EP300: variants seen among roughly 807,000 people sequenced by gnomAD.
The protein encoded by EP300 is EP300 lysine acetyltransferase.
EP300 carries 31 observed loss-of-function variants against 264.0 expected under a neutral mutation model. The observed-to-expected ratio is 0.12, with a 90% confidence interval of 0.09 to 0.16. The LOEUF is 0.16. Among genes scored for constraint, EP300 ranks in the 10% least tolerant of loss-of-function variants. The pLI, the probability that EP300 is intolerant of heterozygous loss-of-function variation, is 1.00. For missense variants in EP300, 2,766 were observed against 3,052.9 expected, an observed-to-expected ratio of 0.91 and a Z score of 2.21; for synonymous variants, 1,340 against 1,045.4, an observed-to-expected ratio of 1.28 and a Z score of -5.44.
intron 19 of EP300, 80 bp from the exon 20 acceptor site, chr22:41,160,562 G>T: frequency 7.3e-7 from 1 of 1,372,866 alleles, no homozygotes; most frequent in Non-Finnish European, 1.0e-6. Context: ...GGCCTGCTGT[G>T]ATTGGTGGCT....
At position 41,129,839 on chromosome 22, in the gene EP300, A is replaced by T. The variant is rs370455694; in HGVS notation, c.1169-51A>T. 1.2e-5 allele frequency: 16 copies of T among 1,388,746 alleles called. No individual in the cohort carries two copies. In the African/African-American group the frequency reaches 1.9e-4, roughly 16 times the overall value. 86.0% of individuals were successfully genotyped at this position (1,388,746 alleles called of 1,614,324 possible). On this transcript the variant is annotated intron_variant, in intron 4 of 30. Coordinates refer to ENST00000263253, the MANE Select transcript of EP300 (RefSeq NM_001429.4). Reference sequence around the variant, plus strand: ...AGTGGTCAACAAGTTAGCTATTATTAATGTAAAAACATTAACCTGCTCTTG... The same window carrying T: ...AGTGGTCAACAAGTTAGCTATTATTTATGTAAAAACATTAACCTGCTCTTG...
intron 1 of EP300, among the ~76,000 whole-genome samples, chr22:41,102,365 C>T (rs545478212): frequency 6.6e-6 from 1 of 152,194 alleles, no homozygotes; most frequent in East Asian, 1.9e-4. Flanking sequence ...GGAATTGTGT[C>T]TGATTTTGGG....
intron 3 of EP300, 37 bp from the exon 4 acceptor site, chr22:41,127,450 T>G (rs752818935): frequency 5.0e-6 from 8 of 1,612,530 alleles, no homozygotes; most frequent in South Asian, 2.2e-5. Flanking sequence ...TAGCACATTA[T>G]GACTCCTACC....
intron 1 of EP300, among the ~76,000 whole-genome samples, chr22:41,099,485 T>G (rs2058719601): frequency 1.3e-5 from 2 of 152,308 alleles, no homozygotes; most frequent in South Asian, 4.1e-4. Flanking sequence ...ACACACAAAT[T>G]TAATGCCTTT....
intron 6 of EP300, 132 bp from the exon 7 acceptor site, chr22:41,135,681 T>C (rs1408410055): frequency 8.5e-6 from 6 of 701,810 alleles, no homozygotes; most frequent in East Asian, 2.7e-5. Context: ...TTGCCAGTTA[T>C]ATTGTCAATT....
At chr22:41,112,847 G>C (rs983012396) in intron 1 of EP300, among the ~76,000 whole-genome samples, 2 of 151,938 alleles carry the variant, frequency 1.3e-5, no homozygotes, top group Non-Finnish European at 2.9e-5. Context: ...TTCTCTAGTA[G>C]CAGTAGGATT....
At chr22:41,109,665 A>G (rs913008927) in intron 1 of EP300, among the ~76,000 whole-genome samples, 1 of 152,158 alleles carries the variant, frequency 6.6e-6, no homozygotes, top group Admixed American at 6.5e-5. Flanking sequence ...AACATGAAGT[A>G]GGCACTTTGC....
At position 41,137,752 on chromosome 22, in the gene EP300, T is replaced by G; in HGVS notation, c.1722T>G (p.Asp574Glu). The G allele has an allele frequency of 6.2e-7, 1 of 1,614,230 alleles. No individual in the cohort carries two copies. Among genetic ancestry groups the G allele is most frequent in the Non-Finnish European group, 8.5e-7 (1 of 1,180,044 alleles). ...GAATTCGGAAACAGTGGCACGAAGA[T>G]ATTACTCAGGATCTTCGAAATCATC... ...TTGIRKQWHE[D>E]ITQDLRNHLV... Residue 574 changes from aspartate to glutamate, a missense_variant, in exon 8 of 31, where the codon GAT becomes GAG. Physicochemically the swap from Asp to Glu is conservative, Grantham distance 45 (BLOSUM62 2). Transcript: ENST00000263253.
intron 11 of EP300, 30 bp downstream of exon 11, chr22:41,146,846 A>T (rs371009789): frequency 1.3e-6 from 2 of 1,583,036 alleles, no homozygotes; most frequent in Admixed American, 3.4e-5. Context: ...TTTTTATTTT[A>T]AAAGAATCCC....
In EP300 at chr22:41,177,315, G is replaced by A. The variant is rs200795114; in HGVS notation, c.5604G>A (p.Thr1868=). 1.5e-4 allele frequency: 247 copies of A among 1,613,636 alleles called. No homozygotes were observed. The highest frequency in any genetic ancestry group is 1.4e-4 in the Non-Finnish European group (163 of 1,179,972). Residue 1868 remains threonine, a synonymous_variant, in exon 31 of 31, where the codon ACG becomes ACA. Coordinates refer to ENST00000263253, the MANE Select transcript of EP300 (RefSeq NM_001429.4). ...GCCAACAGCCAACCACCCCGCAGAC[G>A]CCCCAGCCCACTTCTCAGCCTCAGC... The part of the protein sequence containing the change: ...PTGQQPTTPQ[T]PQPTSQPQPT...
chr22:41,107,507 A>G (rs1431179445), intron 1 of EP300, among the ~76,000 whole-genome samples: 1 of 152,046 alleles, frequency 6.6e-6, no homozygotes, highest in Non-Finnish European at 1.5e-5. Flanking sequence ...TTTAAATTAC[A>G]TTTTGTGTCA....
At chr22:41,120,781 C>T (rs2058848006) in intron 2 of EP300, among the ~76,000 whole-genome samples, 1 of 152,152 alleles carries the variant, frequency 6.6e-6, no homozygotes, top group Non-Finnish European at 1.5e-5. Context: ...ACAGTGGCAC[C>T]ATCACAGCTC....
At chr22:41,130,119 A>G (rs1489065421) in intron 5 of EP300, 116 bp downstream of exon 5, 1 of 794,300 alleles carries the variant, frequency 1.3e-6, no homozygotes. Context: ...TGTTGAATAA[A>G]TGTTTTTTTC....
chr22:41,117,166 G>C, intron 1 of EP300, 21 bp from the exon 2 acceptor site: 9 of 1,610,932 alleles, frequency 5.6e-6, no homozygotes, highest in Non-Finnish European at 7.6e-6. Context: ...TTTGACCTTT[G>C]TCTTTTCCCT....
intron 22 of EP300, among the ~76,000 whole-genome samples, chr22:41,164,792 G>T (rs1468532942): frequency 6.6e-6 from 1 of 152,178 alleles, no homozygotes; most frequent in African/African-American, 2.4e-5. Flanking sequence ...TCTGGCCCTG[G>T]TAAGGGTCAC....
chr22:41,149,742 A>C lies in EP300; in HGVS notation c.2380-19A>C, dbSNP rs750219186. On this transcript the variant is annotated intron_variant, in intron 13 of 30. Coordinates refer to ENST00000263253, the MANE Select transcript of EP300 (RefSeq NM_001429.4). ...TTCTGTTCTGAATTGCTGTCTTGTT[A>C]TGTTTTTTATTTTAACAGGCACAAA... is the stretch of plus-strand genomic sequence containing the variant. The C allele has an allele frequency of 4.3e-6, 7 of 1,612,912 alleles. No homozygotes were observed. The East Asian group carries it at 1.3e-4, about 31-fold the overall frequency.
chr22:41,105,296 AGGC>A (rs2058752795), intron 1 of EP300, among the ~76,000 whole-genome samples: 1 of 146,202 alleles, frequency 6.8e-6, no homozygotes, highest in Admixed American at 6.9e-5. Context: ...TGAACCCGGG[AGGC>A]GGAGGTTGCC....
At chr22:41,126,152 C>G in intron 3 of EP300, 112 bp downstream of exon 3, 1 of 1,087,386 alleles carries the variant, frequency 9.2e-7, no homozygotes, top group Non-Finnish European at 1.4e-6. Flanking sequence ...CACTAGGAGC[C>G]TAAATTGATA....
At chr22:41,096,612 C>CTTTTTT (rs749353769) in intron 1 of EP300, among the ~76,000 whole-genome samples, 8 of 104,468 alleles carry the variant, frequency 7.7e-5, no homozygotes, top group Non-Finnish European at 1.1e-4. Flanking sequence ...GTCAGCTCTA[C>CTTTTTT]TTTTTTTTTT....
Sources: gnomAD v4.1 joint callset for allele counts (sites outside exome capture counted in the v4.1 genomes callset) on GRCh38, gnomAD v4.1.1 for gene constraint, MANE v1.5 for transcripts, NCBI Gene and HGNC (gene_info 2026-07-23, HGNC 2026-07-21) for gene names.